SLC3A2: variants seen among roughly 807,000 people sequenced by gnomAD.
SLC3A2 encodes amino acid transporter heavy chain SLC3A2.
In SLC3A2, 32 loss-of-function variants were observed where a neutral mutation model predicts 48.5. The observed-to-expected ratio is 0.66, with a 90% CI of 0.50 to 0.89. The LOEUF is 0.89. Ranked by LOEUF, SLC3A2 falls within the 40% of genes least tolerant of loss-of-function variation. SLC3A2 has a pLI of 0.00. For missense variants in SLC3A2, 587 were observed against 680.7 expected (o/e 0.86, Z 1.53); for synonymous variants, 277 against 288.8 (o/e 0.96, Z 0.41).
chr11:62,871,409 T>C (rs2085515372), intron 1 of SLC3A2, among the ~76,000 whole-genome samples: 1 of 151,744 alleles, frequency 6.6e-6, no homozygotes, highest in South Asian at 2.1e-4. Flanking sequence ...TGACTAATTT[T>C]TTGTATTTTT....
chr11:62,864,351 C>T (rs1003057970), intron 1 of SLC3A2, among the ~76,000 whole-genome samples: 32 of 151,392 alleles, frequency 2.1e-4, no homozygotes, highest in African/African-American at 7.3e-4. Context: ...TGCAGTGGTG[C>T]CATCTGGGCT....
At chr11:62,873,477 A>G (rs1297553313) in intron 1 of SLC3A2, among the ~76,000 whole-genome samples, 1 of 151,602 alleles carries the variant, frequency 6.6e-6, no homozygotes, top group African/African-American at 2.4e-5. Context: ...TGACAGTGCG[A>G]AACTCTGTCT....
At chr11:62,865,748 A>G (rs184428178) in intron 1 of SLC3A2, among the ~76,000 whole-genome samples, 25 of 151,822 alleles carry the variant, frequency 1.6e-4, no homozygotes, top group African/African-American at 4.1e-4. Flanking sequence ...GCCATGCTCT[A>G]TTGTATCCAC....
Position 62,862,312 on chromosome 11 carries a change from C to T in SLC3A2, c.112+5931C>T, listed in dbSNP as rs958510955. Among the ~76,000 whole-genome samples, 6 of 112,788 alleles carry T rather than the reference C, an allele frequency of 5.3e-5. No homozygotes were observed. The East Asian group carries it at 1.1e-3, about 21-fold the overall frequency. 74.0% of individuals were successfully genotyped at this position (112,788 alleles called of 152,430 possible). A position where few individuals can be genotyped will look rare whatever the true frequency, so the allele number is the denominator to read the frequency against. On this transcript the variant is annotated intron_variant, in intron 1 of 9. Transcript: ENST00000377889. ...TCACGCCATTGCACTCCAGCCTGGG[C>T]GACAGAGTGAGACTCTGTCTCAAAA... is the stretch of plus-strand genomic sequence containing the variant.
At chr11:62,856,855 C>T (rs2085332662) in intron 1 of SLC3A2, among the ~76,000 whole-genome samples, 1 of 146,482 alleles carries the variant, frequency 6.8e-6, no homozygotes, top group African/African-American at 2.5e-5. Context: ...GACGGAGTTT[C>T]GCTCTTGTTG....
intron 7 of SLC3A2, among the ~76,000 whole-genome samples, chr11:62,887,438 T>C (rs532884803): frequency 7.7e-4 from 117 of 152,144 alleles, no homozygotes; most frequent in African/African-American, 2.7e-3. Flanking sequence ...TGTCGTGGCT[T>C]ATGCCTGTAA....
chr11:62,875,034 A>C (rs546812397), intron 1 of SLC3A2, among the ~76,000 whole-genome samples: 52 of 152,304 alleles, frequency 3.4e-4, no homozygotes, highest in Non-Finnish European at 8.8e-5. Flanking sequence ...AAATGCTGGG[A>C]TTACAGGCAT....
At position 62,882,009 on chromosome 11, in the gene SLC3A2, C is replaced by T. The variant is rs2085648069; in HGVS notation, c.541C>T (p.Pro181Ser). The change falls in exon 2 of 9, where the codon CCC becomes TCC. Residue 181 changes from proline (P) to serine (S), a missense_variant. Pro to Ser is a moderately conservative substitution (Grantham distance 74, BLOSUM62 -1). Transcript: ENST00000338663. ...VAQTDLLQID[P>S]NFGSKEDFDS... ...TCAGACTGACTTGCTGCAGATCGAC[C>T]CCAATTTTGGCTCCAAGGAAGATTT... is the stretch of plus-strand genomic sequence containing the variant. 6.2e-7 allele frequency: 1 copy of T among 1,614,110 alleles called. No individual in the cohort carries two copies. Among genetic ancestry groups the T allele is most frequent in the Admixed American group, 1.7e-5 (1 of 60,020 alleles).
Position 62,888,709 on chromosome 11 carries a change from GACCCACT to G in SLC3A2, c.*21_*27del. ...CGCGGCCTGACTTCAGCCTGACATG[GACCCACT>G]ACCCTTCTCCTTTCCTTCCCAGGCC... On this transcript the variant is annotated 3_prime_UTR_variant, in exon 9 of 9. Coordinates refer to ENST00000338663, the MANE Select transcript of SLC3A2 (RefSeq NM_001013251.3). 1 of 1,566,194 alleles carries G rather than the reference GACCCACT, an allele frequency of 6.4e-7. No individual in the cohort carries two copies. Among genetic ancestry groups the G allele is most frequent in the South Asian group, 1.1e-5 (1 of 87,022 alleles).
chr11:62,866,032 G>A (rs553538666), intron 1 of SLC3A2, among the ~76,000 whole-genome samples: 19 of 152,020 alleles, frequency 1.2e-4, no homozygotes, highest in South Asian at 2.1e-4. Flanking sequence ...TGTGTCCTTC[G>A]GGTCCTTTCT....
chr11:62,864,761 C>T (rs947829859), intron 1 of SLC3A2, among the ~76,000 whole-genome samples: 11 of 148,680 alleles, frequency 7.4e-5, no homozygotes, highest in Non-Finnish European at 7.4e-5. Flanking sequence ...CCACCACGCC[C>T]GGCCGCTAAT....
rs765852673 is a variant in SLC3A2, at chr11:62,881,931, G to A, written c.463G>A (p.Val155Met). The change falls in exon 2 of 9, where the codon GTG becomes ATG. Residue 155 changes from valine (V) to methionine (M), a missense_variant. Val to Met is a conservative substitution (Grantham distance 21). Transcript: ENST00000338663. The surrounding 1 kb of genome is among the most constrained non-coding windows in gnomAD (Gnocchi z 4.0). ...TCTCGATTACCTGAGCTCTCTGAAGGTGAAGGGCCTTGTGCTGGGTCCAAT... is the reference window on the plus strand; with the variant it reads ...TCTCGATTACCTGAGCTCTCTGAAGATGAAGGGCCTTGTGCTGGGTCCAAT... ...GRLDYLSSLK[V>M]KGLVLGPIHK... 3.7e-6 allele frequency: 6 copies of A among 1,614,160 alleles called. No homozygotes were observed. Among genetic ancestry groups the A allele is most frequent in the Non-Finnish European group, 5.1e-6 (6 of 1,180,034 alleles).
At chr11:62,863,255 C>G (rs2085420849) in intron 1 of SLC3A2, among the ~76,000 whole-genome samples, 3 of 152,090 alleles carry the variant, frequency 2.0e-5, no homozygotes, top group Admixed American at 2.0e-4. Flanking sequence ...GGATCTCACT[C>G]TGTCACCTAG....
rs368223843 is a variant in SLC3A2, at chr11:62,884,348, C to A, written c.691-109C>A. On this transcript the variant is annotated intron_variant, in intron 3 of 8. Coordinates refer to ENST00000338663, the MANE Select transcript of SLC3A2 (RefSeq NM_001013251.3). Reference sequence around the variant, plus strand: ...AGACCCAGGCAAGGCACAGGACTCTCCCCAGCTCCCGGGGAAGTGTGTGGT... The same window carrying A: ...AGACCCAGGCAAGGCACAGGACTCTACCCAGCTCCCGGGGAAGTGTGTGGT... 516 of 1,226,904 alleles carry A rather than the reference C, an allele frequency of 4.2e-4. 2 individuals carry two copies. In the South Asian group the frequency reaches 6.1e-3, roughly 15 times the overall value. The allele number at this position is 1,226,904 out of a possible 1,614,324, so 76.0% of individuals were successfully genotyped here.
intron 1 of SLC3A2, among the ~76,000 whole-genome samples, chr11:62,872,646 A>G (rs1339638923): frequency 6.6e-6 from 1 of 152,232 alleles, no homozygotes; most frequent in Non-Finnish European, 1.5e-5. Context: ...CTTCTTGGCC[A>G]GGCTAGAGTG....
intron 1 of SLC3A2, among the ~76,000 whole-genome samples, chr11:62,875,827 A>T (rs1283615957): frequency 6.6e-6 from 1 of 152,092 alleles, no homozygotes; most frequent in Non-Finnish European, 1.5e-5. Context: ...TCAGCCTCTC[A>T]AAGTGCTGGG....
chr11:62,873,969 ATTTTTTTTTTTTTTTTTTT>A (rs573491653), intron 1 of SLC3A2, among the ~76,000 whole-genome samples: 56 of 38,900 alleles, frequency 1.4e-3, no homozygotes, highest in South Asian at 7.8e-3. Context: ...TGCCCAGCTA[ATTTTTTTTTTTTTTTTTTT>A]TTTTTTTTTT....
upstream of SLC3A2, chr11:62,880,811 G>T: frequency 9.6e-7 from 1 of 1,040,182 alleles, no homozygotes; most frequent in South Asian, 1.9e-5. Context: ...CCCACGGCTG[G>T]GGCAGTCCCC....
chr11:62,882,885 T>C (rs764671969), intron 2 of SLC3A2, 23 bp from the exon 3 acceptor site: 1 of 1,578,560 alleles, frequency 6.3e-7, no homozygotes, highest in Non-Finnish European at 8.7e-7. Flanking sequence ...GTCTCATGAT[T>C]GCGTCTTCCT....
Sources: allele counts gnomAD v4.1 joint callset (sites outside exome capture counted in the v4.1 genomes callset), GRCh38; gene constraint gnomAD v4.1.1; non-coding constraint Gnocchi (gnomAD v3.1); transcripts MANE v1.5; gene names NCBI Gene and HGNC (gene_info 2026-07-23, HGNC 2026-07-21).